Variants in RIC1 observed in about 807,000 individuals in gnomAD.
RIC1 encodes the protein RIC1 partner of RAB6A GEF complex.
A neutral mutation model predicts 169.0 loss-of-function variants in RIC1; 88 were observed. That is an observed-to-expected ratio of 0.52 (90% CI 0.44 to 0.62). The LOEUF is 0.62. Among genes scored for constraint, RIC1 ranks in the 20% least tolerant of loss-of-function variants. The probability of loss-of-function intolerance (pLI) is 0.00; values close to 1 mark genes in which losing one functional copy is unlikely to be tolerated. For synonymous variants in RIC1, 790 were observed against 601.5 expected (o/e 1.31, Z -4.59); for missense variants, 1,877 against 1,725.5 (o/e 1.09, Z -1.56).
At chr9:5,715,817 C>T (rs1193601794) in intron 4 of RIC1, among the ~76,000 whole-genome samples, 1 of 150,964 alleles carries the variant, frequency 6.6e-6, no homozygotes, top group Non-Finnish European at 1.5e-5. Flanking sequence ...CTCCCATCCC[C>T]TTCCCTACCT....
intron 1 of RIC1, among the ~76,000 whole-genome samples, chr9:5,653,969 T>A (rs930591224): frequency 2.6e-5 from 4 of 152,190 alleles, no homozygotes; most frequent in Non-Finnish European, 5.9e-5. Context: ...GATAAACGTA[T>A]TGTGTTACAT....
At chr9:5,695,997 T>C (rs1347952874) in intron 3 of RIC1, among the ~76,000 whole-genome samples, 3 of 152,236 alleles carry the variant, frequency 2.0e-5, no homozygotes, top group Admixed American at 1.3e-4. Context: ...TTGTATGAGG[T>C]AGAAAACCTT....
chr9:5,648,586 G>A (rs895735468), intron 1 of RIC1, among the ~76,000 whole-genome samples: 2 of 152,018 alleles, frequency 1.3e-5, no homozygotes, highest in African/African-American at 2.4e-5. Flanking sequence ...TTTACTTTTC[G>A]AGAAATCTTC....
chr9:5,768,947 C>G, intron 21 of RIC1, 23 bp from the exon 22 acceptor site: 1 of 1,585,512 alleles, frequency 6.3e-7, no homozygotes, highest in Non-Finnish European at 8.6e-7. Flanking sequence ...TATTCTGTAG[C>G]TTTCTTGTGT....
downstream of RIC1, among the ~76,000 whole-genome samples, chr9:5,778,020 C>G (rs148569719): frequency 6.6e-6 from 1 of 152,136 alleles, no homozygotes; most frequent in Non-Finnish European, 1.5e-5. Context: ...TTTTCATAAG[C>G]GTTGTATTCA....
chr9:5,653,043 G>A (rs1197160818), intron 1 of RIC1, among the ~76,000 whole-genome samples: 1 of 151,984 alleles, frequency 6.6e-6, no homozygotes, highest in African/African-American at 2.4e-5. Flanking sequence ...TGCATTCCTG[G>A]GATCAGTCCT....
chr9:5,704,135 T>C (rs1039669232), intron 3 of RIC1, among the ~76,000 whole-genome samples: 7 of 152,168 alleles, frequency 4.6e-5, no homozygotes, highest in African/African-American at 1.7e-4. Flanking sequence ...ATTAATGACA[T>C]TGAACATACT....
At chr9:5,630,114 A>G (rs1029184240) in intron 1 of RIC1, among the ~76,000 whole-genome samples, 2 of 152,216 alleles carry the variant, frequency 1.3e-5, no homozygotes, top group African/African-American at 4.8e-5. Context: ...TGTCCGCGGA[A>G]CTCCCAGTTA....
intron 1 of RIC1, among the ~76,000 whole-genome samples, chr9:5,653,973 G>A (rs543078683): frequency 4.6e-5 from 7 of 152,040 alleles, no homozygotes; most frequent in African/African-American, 1.4e-4. Context: ...AACGTATTGT[G>A]TTACATAGTT....
chr9:5,634,018 T>C (rs1236295216), intron 1 of RIC1, among the ~76,000 whole-genome samples: 2 of 152,224 alleles, frequency 1.3e-5, no homozygotes, highest in African/African-American at 4.8e-5. Context: ...CTTAGTATAC[T>C]GTCCTTAAGT....
intron 8 of RIC1, among the ~76,000 whole-genome samples, chr9:5,742,567 A>G (rs1195301211): frequency 6.6e-6 from 1 of 152,142 alleles, no homozygotes; most frequent in Non-Finnish European, 1.5e-5. Context: ...AAACTGATTT[A>G]TACAAAGCCA....
chr9:5,747,561 G>A (rs1487100815), intron 12 of RIC1, 56 bp downstream of exon 12: 4 of 1,411,470 alleles, frequency 2.8e-6, no homozygotes, highest in Non-Finnish European at 2.0e-6. Context: ...ATATCACCTG[G>A]AACAGATTAT....
At position 5,689,703 on chromosome 9, in the gene RIC1, C is replaced by T. The variant is rs922572652; in HGVS notation, c.253-256C>T. 2.0e-5 allele frequency among the ~76,000 whole-genome samples: 3 copies of T among 152,074 alleles called. 1 individual carries two copies. The highest frequency in any genetic ancestry group is 3.8e-4 in the East Asian group (2 of 5,200). The stretch of plus-strand genomic sequence containing the variant: ...TACTCATTATTGAATAATGCAGTTA[C>T]TTGAGAGTATGCATGTCTAGAATAC... On this transcript the variant is annotated intron_variant, in intron 2 of 25. Coordinates refer to ENST00000414202, the MANE Select transcript of RIC1 (RefSeq NM_020829.4).
At chr9:5,740,509 C>G (rs948228780) in intron 8 of RIC1, among the ~76,000 whole-genome samples, 3 of 151,564 alleles carry the variant, frequency 2.0e-5, no homozygotes, top group Non-Finnish European at 4.4e-5. Context: ...AATAAATGAT[C>G]ACATGATCAC....
At chr9:5,702,960 A>G (rs1162835789) in intron 3 of RIC1, among the ~76,000 whole-genome samples, 1 of 152,120 alleles carries the variant, frequency 6.6e-6, no homozygotes, top group African/African-American at 2.4e-5. Context: ...CCCACCTCCA[A>G]CGTTGGGGAT....
At chr9:5,768,702 C>T (rs891674538) in intron 21 of RIC1, among the ~76,000 whole-genome samples, 1 of 152,170 alleles carries the variant, frequency 6.6e-6, no homozygotes, top group African/African-American at 2.4e-5. Context: ...GTCAGCCACC[C>T]ATCACCTGCT....
intron 12 of RIC1, among the ~76,000 whole-genome samples, chr9:5,751,699 TTTTAAGTTGAC>T (rs1308946231): frequency 1.3e-5 from 2 of 152,228 alleles, no homozygotes; most frequent in Non-Finnish European, 2.9e-5. Context: ...TTTAGTTGGA[TTTTAAGTTGAC>T]TTAAGTCAAC....
intron 3 of RIC1, among the ~76,000 whole-genome samples, chr9:5,695,257 T>A (rs1458366957): frequency 6.6e-6 from 1 of 152,218 alleles, no homozygotes. Flanking sequence ...GAATAAATTT[T>A]AGGTCCTATA....
At chr9:5,641,523 C>G (rs1047330255) in intron 1 of RIC1, among the ~76,000 whole-genome samples, 4 of 152,156 alleles carry the variant, frequency 2.6e-5, no homozygotes, top group Non-Finnish European at 4.4e-5. Context: ...ACTCCGGTCT[C>G]TTTCTCTACT....
Sources: allele counts gnomAD v4.1 joint callset (sites outside exome capture counted in the v4.1 genomes callset), GRCh38; gene constraint gnomAD v4.1.1; transcripts MANE v1.5; gene names NCBI Gene and HGNC (gene_info 2026-07-23, HGNC 2026-07-21).